CDH12: variants seen among roughly 807,000 people sequenced by gnomAD.
CDH12 encodes the protein cadherin-12.
In CDH12, 41 loss-of-function variants were observed where a neutral mutation model predicts 74.1. That is an observed-to-expected ratio of 0.55 (90% CI 0.43 to 0.72). The LOEUF (loss-of-function observed/expected upper bound fraction) is 0.72, where lower values mean the gene tolerates loss of function less well. Ranked by LOEUF, CDH12 falls within the 30% of genes least tolerant of loss-of-function variation. The pLI, the probability that CDH12 is intolerant of heterozygous loss-of-function variation, is 0.00. For missense variants in CDH12, 945 were observed against 977.2 expected, an observed-to-expected ratio of 0.97 and a Z score of 0.44; for synonymous variants, 399 against 355.0, an observed-to-expected ratio of 1.12 and a Z score of -1.39.
intron 5 of CDH12, among the ~76,000 whole-genome samples, chr5:22,000,728 A>G (rs1375874001): frequency 6.6e-6 from 1 of 152,146 alleles, no homozygotes; most frequent in Non-Finnish European, 1.5e-5. Flanking sequence ...TCAAGTGATG[A>G]TCGGATAGTG....
intron 1 of CDH12, among the ~76,000 whole-genome samples, chr5:22,585,432 G>A (rs11741759): frequency 0.058 from 8,875 of 152,134 alleles, 392 homozygotes; most frequent in East Asian, 0.22. Context: ...CTATGGATCT[G>A]TATCTTTAAA....
At chr5:22,489,550 C>CA (rs1185492374) in intron 2 of CDH12, among the ~76,000 whole-genome samples, 1 of 151,882 alleles carries the variant, frequency 6.6e-6, no homozygotes, top group Non-Finnish European at 1.5e-5. Context: ...GATATAGCTA[C>CA]AAAAAATAAT....
chr5:21,946,904 T>A (rs1327614529), intron 6 of CDH12, among the ~76,000 whole-genome samples: 2 of 152,184 alleles, frequency 1.3e-5, no homozygotes. Context: ...ATCCTCATGA[T>A]CCTCCCGTGT....
At chr5:22,163,497 T>C (rs1373630347) in intron 4 of CDH12, among the ~76,000 whole-genome samples, 1 of 152,220 alleles carries the variant, frequency 6.6e-6, no homozygotes, top group Non-Finnish European at 1.5e-5. Context: ...CCCACTTCAG[T>C]TGACATTCAC....
chr5:22,741,015 C>T (rs980833358), intron 1 of CDH12, among the ~76,000 whole-genome samples: 3 of 152,038 alleles, frequency 2.0e-5, no homozygotes, highest in Non-Finnish European at 2.9e-5. Context: ...TTGAAAATAT[C>T]GCACAGTGTG....
At chr5:22,059,890 T>G (rs892135210) in intron 5 of CDH12, among the ~76,000 whole-genome samples, 1 of 152,176 alleles carries the variant, frequency 6.6e-6, no homozygotes, top group Non-Finnish European at 1.5e-5. Context: ...GAGAGGTTTA[T>G]GCCAAACAAT....
intron 2 of CDH12, among the ~76,000 whole-genome samples, chr5:22,475,697 C>A (rs1457597756): frequency 6.6e-6 from 1 of 151,868 alleles, no homozygotes; most frequent in Non-Finnish European, 1.5e-5. Flanking sequence ...TCCCCAAAAC[C>A]TTTTTTCTTC....
chr5:22,175,087 A>C (rs1030059508), intron 4 of CDH12, among the ~76,000 whole-genome samples: 1 of 152,054 alleles, frequency 6.6e-6, no homozygotes, highest in African/African-American at 2.4e-5. Context: ...TATTTAGCAC[A>C]TACAAAAACC....
intron 5 of CDH12, among the ~76,000 whole-genome samples, chr5:22,026,686 A>T (rs1400621532): frequency 6.6e-6 from 1 of 152,128 alleles, no homozygotes; most frequent in Non-Finnish European, 1.5e-5. Context: ...TGCTTTCATT[A>T]TACTTATCCA....
chr5:22,327,211 G>A (rs975602754), intron 3 of CDH12, among the ~76,000 whole-genome samples: 2 of 151,678 alleles, frequency 1.3e-5, no homozygotes, highest in Non-Finnish European at 1.5e-5. Context: ...AGGACTCCTG[G>A]GAAATGAAAG....
chr5:21,989,238 C>T (rs2150134023), intron 5 of CDH12, among the ~76,000 whole-genome samples: 1 of 152,208 alleles, frequency 6.6e-6, no homozygotes, highest in Non-Finnish European at 1.5e-5. Context: ...CACATTATGC[C>T]TAAATACGTT....
At chr5:21,809,328 G>A (rs1168636230) in intron 9 of CDH12, among the ~76,000 whole-genome samples, 1 of 152,010 alleles carries the variant, frequency 6.6e-6, no homozygotes, top group Non-Finnish European at 1.5e-5. Context: ...CTAGACATAG[G>A]TTTTTAGTGA....
intron 6 of CDH12, among the ~76,000 whole-genome samples, chr5:21,880,560 T>TTCCTTCCTTCCTTCCTTCCTTCCTTCCC (rs1561267984): frequency 8.5e-6 from 1 of 117,102 alleles, no homozygotes; most frequent in East Asian, 2.7e-4. Flanking sequence ...CCTTCCTTCC[T>TTCCTTCCTTCCTTCCTTCCTTCCTTCCC]TCCCTTCTTT....
chr5:22,118,163 T>G (rs1745283123), intron 4 of CDH12, among the ~76,000 whole-genome samples: 1 of 152,168 alleles, frequency 6.6e-6, no homozygotes, highest in Non-Finnish European at 1.5e-5. Context: ...ACAAACACAA[T>G]TTTTTCACAA....
intron 1 of CDH12, among the ~76,000 whole-genome samples, chr5:22,676,951 G>T (rs1741223654): frequency 6.6e-6 from 1 of 152,088 alleles, no homozygotes; most frequent in Admixed American, 6.6e-5. Context: ...AATACAATCT[G>T]TTTCATATCC....
At chr5:22,147,347 T>G (rs1747254696) in intron 4 of CDH12, among the ~76,000 whole-genome samples, 1 of 152,106 alleles carries the variant, frequency 6.6e-6, no homozygotes, top group Non-Finnish European at 1.5e-5. Flanking sequence ...TTTTTTTCTC[T>G]GCTTGCTCCC....
At chr5:21,778,366 T>G (rs1745710047) in intron 11 of CDH12, among the ~76,000 whole-genome samples, 1 of 151,534 alleles carries the variant, frequency 6.6e-6, no homozygotes, top group Non-Finnish European at 1.5e-5. Flanking sequence ...TATAGTTTAT[T>G]ACTTTATTAT....
At chr5:22,555,284 C>G (rs1164319054) in intron 1 of CDH12, among the ~76,000 whole-genome samples, 1 of 151,950 alleles carries the variant, frequency 6.6e-6, no homozygotes, top group Non-Finnish European at 1.5e-5. Context: ...CAAGAAAAGC[C>G]ATGAATTTTC....
chr5:22,286,547 G>C (rs546146303), intron 3 of CDH12, among the ~76,000 whole-genome samples: 114 of 152,234 alleles, frequency 7.5e-4, no homozygotes, highest in Admixed American at 1.3e-3. Context: ...CCATTTTTTT[G>C]TGTGTGAAAT....
Sources: gnomAD v4.1 joint callset for allele counts (sites outside exome capture counted in the v4.1 genomes callset) on GRCh38, gnomAD v4.1.1 for gene constraint, MANE v1.5 for transcripts, NCBI Gene and HGNC (gene_info 2026-07-23, HGNC 2026-07-21) for gene names.